RNF220: variants seen among roughly 807,000 people sequenced by gnomAD.
RNF220 encodes the protein ring finger protein 220, also known as E3 ubiquitin-protein ligase RNF220.
RNF220 carries 7 observed loss-of-function variants against 67.1 expected under a neutral mutation model. The observed-to-expected ratio is 0.10, with a 90% CI of 0.06 to 0.20. The LOEUF is 0.20. RNF220 is among the 10% of genes least tolerant of loss of function. The probability of loss-of-function intolerance (pLI) is 1.00; values close to 1 mark genes in which losing one functional copy is unlikely to be tolerated. For missense variants in RNF220, 565 were observed against 740.3 expected (o/e 0.76, Z 2.75); for synonymous variants, 270 against 283.2 (o/e 0.95, Z 0.47).
intron 2 of RNF220, among the ~76,000 whole-genome samples, chr1:44,512,812 GC>G (rs1237847824): frequency 6.6e-6 from 1 of 152,118 alleles, no homozygotes; most frequent in Non-Finnish European, 1.5e-5. Context: ...AAGAAGAGCG[GC>G]TGTCTCAGGT....
intron 9 of RNF220, 38 bp downstream of exon 9, chr1:44,644,832 A>G: frequency 6.4e-7 from 1 of 1,570,340 alleles, no homozygotes; most frequent in South Asian, 1.1e-5. Context: ...TGGGGCTGAT[A>G]GGGCAGGCAC....
intron 2 of RNF220, among the ~76,000 whole-genome samples, chr1:44,447,758 C>T (rs1430791044): frequency 6.6e-6 from 1 of 152,154 alleles, no homozygotes; most frequent in East Asian, 1.9e-4. Flanking sequence ...GAGTGACTTG[C>T]CCACTGCCAC....
intron 2 of RNF220, among the ~76,000 whole-genome samples, chr1:44,431,479 A>T (rs996680176): frequency 6.7e-6 from 1 of 149,766 alleles, no homozygotes; most frequent in Non-Finnish European, 1.5e-5. Flanking sequence ...GCGACAGAGC[A>T]AGACTTCATC....
chr1:44,499,505 A>G (rs1156281118), intron 2 of RNF220, among the ~76,000 whole-genome samples: 2 of 152,088 alleles, frequency 1.3e-5, no homozygotes, highest in African/African-American at 2.4e-5. Flanking sequence ...CGCTTCTAGG[A>G]CACACCCTCT....
intron 2 of RNF220, among the ~76,000 whole-genome samples, chr1:44,513,646 C>T (rs752466614): frequency 2.0e-5 from 3 of 152,198 alleles, no homozygotes; most frequent in Non-Finnish European, 4.4e-5. Context: ...GCCCATATCA[C>T]AGCTCAGGAA....
intron 2 of RNF220, among the ~76,000 whole-genome samples, chr1:44,542,509 A>G (rs959576615): frequency 6.6e-6 from 1 of 152,238 alleles, no homozygotes; most frequent in Non-Finnish European, 1.5e-5. Flanking sequence ...AACCAGGCTC[A>G]GGCGCACAAT....
intron 2 of RNF220, among the ~76,000 whole-genome samples, chr1:44,517,076 C>T (rs961971224): frequency 2.6e-5 from 4 of 152,194 alleles, no homozygotes; most frequent in African/African-American, 9.7e-5. Flanking sequence ...AATCCTATCT[C>T]AAATGCATTC....
chr1:44,424,000 C>T (rs1649488999), intron 2 of RNF220: 1 of 985,438 alleles, frequency 1.0e-6, no homozygotes, highest in Non-Finnish European at 1.2e-6. Flanking sequence ...CCTTCCCTGG[C>T]CTCTTATCTT....
chr1:44,576,559 G>C (rs1664818431), intron 2 of RNF220, among the ~76,000 whole-genome samples: 1 of 151,944 alleles, frequency 6.6e-6, no homozygotes, highest in Admixed American at 6.6e-5. Context: ...CAGTGGCTGG[G>C]CTGTGACTGA....
intron 1 of RNF220, among the ~76,000 whole-genome samples, chr1:44,410,376 C>A (rs11210990): frequency 0.025 from 3,743 of 152,324 alleles, 154 homozygotes; most frequent in African/African-American, 0.085. Flanking sequence ...GCCTAACTGG[C>A]TGTCCTTGGC....
At chr1:44,482,183 C>A (rs1655879369) in intron 2 of RNF220, among the ~76,000 whole-genome samples, 1 of 152,154 alleles carries the variant, frequency 6.6e-6, no homozygotes, top group Non-Finnish European at 1.5e-5. Flanking sequence ...GATTCAAACC[C>A]CATCCATCTG....
chr1:44,412,613 C>T lies in RNF220; in HGVS notation c.516C>T (p.Ser172=). The T allele has an allele frequency of 6.2e-7, 1 of 1,614,202 alleles. No individual in the cohort carries two copies. Among genetic ancestry groups the T allele is most frequent in the Non-Finnish European group, 8.5e-7 (1 of 1,180,038 alleles). ...EYDFGTQLPS[S]SPGSLKVDDT... ...ACTTTGGGACACAGCTGCCATCTAG[C>T]TCCCCCGGTTCACTAAAGGTTGATG... Residue 172 remains serine (S), a synonymous_variant, in exon 2 of 15, where the codon AGC becomes AGT. Transcript: ENST00000361799. This position sits in a 1 kb window ranked among gnomAD's most constrained non-coding sequence, Gnocchi z 5.3.
chr1:44,518,746 G>A (rs994965836), intron 2 of RNF220, among the ~76,000 whole-genome samples: 8 of 152,048 alleles, frequency 5.3e-5, no homozygotes, highest in Non-Finnish European at 1.2e-4. Context: ...GTGGTGGCGG[G>A]TGCCTGTAGT....
chr1:44,631,048 G>A (rs1644101869), intron 5 of RNF220, among the ~76,000 whole-genome samples: 1 of 152,194 alleles, frequency 6.6e-6, no homozygotes, highest in Non-Finnish European at 1.5e-5. Context: ...TGTATGACTG[G>A]AGCACAACGA....
chr1:44,623,840 T>G (rs924051397), intron 4 of RNF220, among the ~76,000 whole-genome samples: 1 of 152,106 alleles, frequency 6.6e-6, no homozygotes, highest in Non-Finnish European at 1.5e-5. Flanking sequence ...GGAAGAAAGT[T>G]TCTAAATGTA....
chr1:44,493,813 A>C (rs1657073465), intron 2 of RNF220, among the ~76,000 whole-genome samples: 1 of 151,988 alleles, frequency 6.6e-6, no homozygotes, highest in African/African-American at 2.4e-5. Flanking sequence ...CCCCACCTCA[A>C]AAAAAAGTAA....
intron 2 of RNF220, among the ~76,000 whole-genome samples, chr1:44,571,503 A>G (rs751649360): frequency 6.6e-6 from 1 of 152,206 alleles, no homozygotes; most frequent in Non-Finnish European, 1.5e-5. Context: ...TGCCTACTCC[A>G]GCAGTAGAAA....
intron 2 of RNF220, among the ~76,000 whole-genome samples, chr1:44,488,996 G>C (rs1572658388): frequency 6.6e-6 from 1 of 152,154 alleles, no homozygotes; most frequent in African/African-American, 2.4e-5. Flanking sequence ...CTCCCAGATT[G>C]CTGGGATTGC....
chr1:44,541,559 A>G (rs1002768457), intron 2 of RNF220, among the ~76,000 whole-genome samples: 3 of 152,258 alleles, frequency 2.0e-5, no homozygotes, highest in African/African-American at 7.2e-5. Context: ...GGATCATGCT[A>G]TCTCTAGAAT....
Sources: allele counts gnomAD v4.1 joint callset (sites outside exome capture counted in the v4.1 genomes callset), GRCh38; gene constraint gnomAD v4.1.1; non-coding constraint Gnocchi (gnomAD v3.1); transcripts MANE v1.5; gene names NCBI Gene and HGNC (gene_info 2026-07-23, HGNC 2026-07-21).